PLCD4: variants seen among roughly 807,000 people sequenced by gnomAD.
The protein encoded by PLCD4 is phospholipase C delta 4.
PLCD4 carries 63 observed loss-of-function variants against 90.2 expected under a neutral mutation model. The ratio of observed to expected loss-of-function variants is 0.70; its 90% CI spans 0.57 to 0.86. The LOEUF is 0.86. Among genes scored for constraint, PLCD4 ranks in the 40% least tolerant of loss-of-function variants. The pLI is 0.00. For missense variants in PLCD4, 830 were observed against 956.3 expected, an observed-to-expected ratio of 0.87 and a Z score of 1.74; for synonymous variants, 294 against 356.5, an observed-to-expected ratio of 0.82 and a Z score of 1.97.
In PLCD4 at chr2:218,637,114, C is replaced by CAA. The variant is rs1696810579; in HGVS notation, c.*539_*540dup. The CAA allele has an allele frequency of 3.0e-6, 1 of 334,284 alleles. No homozygotes were observed. The highest frequency in any genetic ancestry group is 4.0e-5 in the Admixed American group (1 of 25,092). 20.7% of individuals were successfully genotyped at this position (334,284 alleles called of 1,614,324 possible). A position where few individuals can be genotyped will look rare whatever the true frequency, so the allele number is the denominator to read the frequency against. On this transcript the variant is annotated 3_prime_UTR_variant, in exon 16 of 16. Transcript: ENST00000450993. ...TCTTAAGAGAACACTGCACAGCACT[C>CAA]AAAGTCCCCCACTGGACTGCTTCCT...
chr2:218,627,102 A>G (rs973605253), intron 6 of PLCD4, among the ~76,000 whole-genome samples: 7 of 144,796 alleles, frequency 4.8e-5, no homozygotes, highest in African/African-American at 1.0e-4. Flanking sequence ...AAATACAAAG[A>G]AAAAAAAAAA....
At chr2:218,608,555 T>G (rs1004139862) in intron 1 of PLCD4, among the ~76,000 whole-genome samples, 1 of 152,154 alleles carries the variant, frequency 6.6e-6, no homozygotes, top group African/African-American at 2.4e-5. Flanking sequence ...CAGAGCAGTT[T>G]CTTAGTGCAC....
At chr2:218,629,008 G>A (rs916745785) in intron 7 of PLCD4, 1 of 154,506 alleles carries the variant, frequency 6.5e-6, no homozygotes. Flanking sequence ...TTGAGCCCAA[G>A]AGTTCGAGAC....
intron 3 of PLCD4, among the ~76,000 whole-genome samples, chr2:218,617,492 G>A (rs944767011): frequency 3.3e-5 from 5 of 151,496 alleles, no homozygotes; most frequent in Non-Finnish European, 4.4e-5. Flanking sequence ...CAGGAGAATC[G>A]CTTGAACCTG....
chr2:218,636,848 C>G lies in PLCD4; in HGVS notation c.*271C>G. On this transcript the variant is annotated 3_prime_UTR_variant, in exon 16 of 16. Transcript: ENST00000450993. Reference sequence around the variant, plus strand: ...ACTCTATACTGGAGTTCCCTTCTTCCTCTTGCTGTAGGCTCAATCCCATAC... The same window carrying G: ...ACTCTATACTGGAGTTCCCTTCTTCGTCTTGCTGTAGGCTCAATCCCATAC... 1.9e-6 allele frequency: 1 copy of G among 532,972 alleles called. No homozygotes were observed. Among genetic ancestry groups the G allele is most frequent in the Admixed American group, 2.2e-5 (1 of 44,772 alleles). 33.0% of individuals were successfully genotyped at this position (532,972 alleles called of 1,614,324 possible).
Position 218,618,648 on chromosome 2 carries a change from A to T in PLCD4, c.251A>T (p.Glu84Val). The change falls in exon 4 of 16, where the codon GAG becomes GTG. Residue 84 changes from glutamate (E) to valine (V), a missense_variant. Glu to Val is a moderately radical substitution (Grantham distance 121). Transcript: ENST00000450993. ...GAGTTGCTGCGTAGCCTGGCAGAGG[A>T]GCTCCCCCTGGAGCAGGGCTTCACC... ...DSELLRSLAE[E>V]LPLEQGFTIV... The T allele has an allele frequency of 6.2e-7, 1 of 1,613,984 alleles. No homozygotes were observed. Among genetic ancestry groups the T allele is most frequent in the Non-Finnish European group, 8.5e-7 (1 of 1,179,896 alleles).
At chr2:218,618,089 A>AAAACAAACAAAC (rs61169386) in intron 3 of PLCD4, among the ~76,000 whole-genome samples, 9 of 151,242 alleles carry the variant, frequency 6.0e-5, no homozygotes, top group African/African-American at 2.2e-4. Context: ...TCCATGTCAA[A>AAAACAAACAAAC]AAACAAACAA....
In PLCD4 at chr2:218,615,726, TG is replaced by T. The variant is rs2106122684; in HGVS notation, c.-12del. The T allele has an allele frequency of 6.2e-7, 1 of 1,601,780 alleles. No individual in the cohort carries two copies. Among genetic ancestry groups the T allele is most frequent in the East Asian group, 2.2e-5 (1 of 44,800 alleles). Reference sequence around the variant, plus strand: ...CTTTAGGTGATCTGGTGCCAGCTGGTGGAACAGTGGGTGATGGCGTCCCTGC... The same window carrying T: ...CTTTAGGTGATCTGGTGCCAGCTGGTGAACAGTGGGTGATGGCGTCCCTGC... On this transcript the variant is annotated 5_prime_UTR_variant, in exon 2 of 16. Transcript: ENST00000450993.
chr2:218,629,423 T>C, intron 7 of PLCD4, 96 bp from the exon 8 acceptor site: 1 of 1,431,964 alleles, frequency 7.0e-7, no homozygotes, highest in Non-Finnish European at 9.5e-7. Flanking sequence ...GGGTAAGTGC[T>C]GGTGAGCACT....
At chr2:218,625,130 A>G (rs1696056812) in intron 6 of PLCD4, among the ~76,000 whole-genome samples, 1 of 148,344 alleles carries the variant, frequency 6.7e-6, no homozygotes, top group Admixed American at 6.7e-5. Context: ...AAAAAAAAAA[A>G]AAGAAAGAAA....
chr2:218,616,927 T>TATATATATATATATATAGAG (rs1553571947), intron 3 of PLCD4, among the ~76,000 whole-genome samples: 1 of 13,764 alleles, frequency 7.3e-5, no homozygotes, highest in Admixed American at 1.3e-3. Context: ...TATATATATA[T>TATATATATATATATATAGAG]AGAGAGAGAG....
Position 218,616,033 on chromosome 2 carries a change from G to A in PLCD4, c.152G>A (p.Arg51Gln), listed in dbSNP as rs760462051. 1.5e-5 allele frequency: 24 copies of A among 1,613,800 alleles called. No homozygotes were observed. Among genetic ancestry groups the A allele is most frequent in the Admixed American group, 3.3e-5 (2 of 60,006 alleles). Residue 51 changes from arginine (R) to glutamine (Q), a missense_variant, in exon 3 of 16, where the codon CGG (arginine) becomes CAG (glutamine). Transcript: ENST00000450993. The part of the protein sequence containing the change: ...QNDGMTVWHA[R>Q]QARGSAKPSF... ...GACGGCATGACAGTCTGGCATGCAC[G>A]GCAGGCCAGGGGCAGTGCCAAGCCC...
intron 5 of PLCD4, 22 bp from the exon 6 acceptor site, chr2:218,622,625 C>T (rs1695937136): frequency 6.6e-7 from 1 of 1,509,492 alleles, no homozygotes; most frequent in African/African-American, 1.4e-5. Context: ...TTCATTCACT[C>T]TCCCCTAAAC....
intron 1 of PLCD4, among the ~76,000 whole-genome samples, chr2:218,613,003 T>C (rs897953694): frequency 5.9e-5 from 9 of 152,314 alleles, no homozygotes; most frequent in African/African-American, 2.2e-4. Flanking sequence ...ACTAACTGCA[T>C]GATGTTTTAA....
intron 6 of PLCD4, among the ~76,000 whole-genome samples, chr2:218,623,210 G>A (rs148059840): frequency 2.6e-5 from 4 of 152,284 alleles, no homozygotes; most frequent in Admixed American, 6.5e-5. Flanking sequence ...GAAAACCCTT[G>A]ATCCTCTTTC....
chr2:218,619,978 A>C (rs1471500017), intron 4 of PLCD4, among the ~76,000 whole-genome samples: 1 of 152,102 alleles, frequency 6.6e-6, no homozygotes, highest in Non-Finnish European at 1.5e-5. Context: ...CCTGGGCTCA[A>C]GCAATCCTCC....
At chr2:218,633,531 G>T in intron 10 of PLCD4, 74 bp from the exon 11 acceptor site, 2 of 1,529,352 alleles carry the variant, frequency 1.3e-6, no homozygotes, top group Non-Finnish European at 9.1e-7. Context: ...AGAGGTTTAG[G>T]TTGGATGGCC....
At chr2:218,619,802 A>G (rs1339907618) in intron 4 of PLCD4, among the ~76,000 whole-genome samples, 1 of 152,198 alleles carries the variant, frequency 6.6e-6, no homozygotes, top group Non-Finnish European at 1.5e-5. Context: ...GTTAACTGAA[A>G]GACTACACTT....
intron 15 of PLCD4, 38 bp downstream of exon 15, chr2:218,636,430 C>A: frequency 6.2e-7 from 1 of 1,614,022 alleles, no homozygotes; most frequent in Non-Finnish European, 8.5e-7. Flanking sequence ...AATACCCCAG[C>A]TCTGGCTGCC....
Sources: allele counts gnomAD v4.1 joint callset (sites outside exome capture counted in the v4.1 genomes callset), GRCh38; gene constraint gnomAD v4.1.1; transcripts MANE v1.5; gene names NCBI Gene and HGNC (gene_info 2026-07-23, HGNC 2026-07-21).